PTPRD: variants seen among roughly 807,000 people sequenced by gnomAD.
The protein encoded by PTPRD is protein tyrosine phosphatase receptor type D, also known as receptor-type tyrosine-protein phosphatase delta.
Under a neutral mutation model 214.5 loss-of-function variants are expected in PTPRD, and 34 were observed. That is an observed-to-expected ratio of 0.16 (90% CI 0.12 to 0.21). PTPRD has a LOEUF of 0.21. Among genes scored for constraint, PTPRD ranks in the 10% least tolerant of loss-of-function variants. The pLI, the probability that PTPRD is intolerant of heterozygous loss-of-function variation, is 1.00. For missense variants in PTPRD, 2,545 were observed against 2,398.7 expected (o/e 1.06, Z -1.27); for synonymous variants, 1,128 against 845.7 (o/e 1.33, Z -5.79).
At chr9:9,338,791 C>T (rs1271641120) in intron 9 of PTPRD, among the ~76,000 whole-genome samples, 1 of 152,054 alleles carries the variant, frequency 6.6e-6, no homozygotes, top group African/African-American at 2.4e-5. Context: ...TTGCTGCAAC[C>T]ATCAACCCAT....
chr9:9,231,074 G>A (rs2099962798), intron 9 of PTPRD, among the ~76,000 whole-genome samples: 1 of 152,004 alleles, frequency 6.6e-6, no homozygotes, highest in African/African-American at 2.4e-5. Context: ...GGGAATGGGT[G>A]TTCTAACAAG....
At chr9:10,112,431 A>ATTT (rs61488370) in intron 3 of PTPRD, among the ~76,000 whole-genome samples, 5,542 of 149,638 alleles carry the variant, frequency 0.037, 167 homozygotes, top group Admixed American at 0.091. Flanking sequence ...ACAATTATCT[A>ATTT]TTTTTTTTTT....
chr9:8,956,676 T>C (rs1397702826), intron 11 of PTPRD, among the ~76,000 whole-genome samples: 1 of 151,860 alleles, frequency 6.6e-6, no homozygotes, highest in Non-Finnish European at 1.5e-5. Context: ...ATCAAGCTCC[T>C]GAACTCCACC....
chr9:10,023,490 A>G (rs1358362892), intron 4 of PTPRD, among the ~76,000 whole-genome samples: 1 of 152,206 alleles, frequency 6.6e-6, no homozygotes, highest in Non-Finnish European at 1.5e-5. Context: ...TTTTCTGTAT[A>G]TAAAGTTAAC....
At chr9:8,578,452 C>G (rs2092704372) in intron 14 of PTPRD, among the ~76,000 whole-genome samples, 1 of 152,106 alleles carries the variant, frequency 6.6e-6, no homozygotes, top group Admixed American at 6.5e-5. Context: ...AGCTGTAATA[C>G]TATTATTTGA....
At chr9:8,460,334 G>T in intron 33 of PTPRD, 77 bp downstream of exon 33, 1 of 1,547,258 alleles carries the variant, frequency 6.5e-7, no homozygotes, top group Non-Finnish European at 8.9e-7. Context: ...AACCACCTAA[G>T]GACAGCAGAA....
chr9:8,563,596 C>A (rs2087447080), intron 14 of PTPRD, among the ~76,000 whole-genome samples: 1 of 151,948 alleles, frequency 6.6e-6, no homozygotes, highest in Non-Finnish European at 1.5e-5. Flanking sequence ...GCCGCCACAC[C>A]TGGCTAATTT....
At chr9:9,872,368 G>C (rs1458807805) in intron 5 of PTPRD, among the ~76,000 whole-genome samples, 1 of 152,150 alleles carries the variant, frequency 6.6e-6, no homozygotes, top group Non-Finnish European at 1.5e-5. Flanking sequence ...GGGAGGCCGA[G>C]GCAGGAGAAT....
intron 3 of PTPRD, among the ~76,000 whole-genome samples, chr9:10,123,359 G>T (rs1283592301): frequency 2.0e-5 from 3 of 152,160 alleles, no homozygotes; most frequent in Non-Finnish European, 2.9e-5. Context: ...AGATTTTCTA[G>T]ACTGCTATTT....
At chr9:10,034,673 G>A (rs2097146138) in intron 3 of PTPRD, among the ~76,000 whole-genome samples, 1 of 152,066 alleles carries the variant, frequency 6.6e-6, no homozygotes, top group African/African-American at 2.4e-5. Flanking sequence ...AGAACATGCA[G>A]TATTTGGCTT....
At chr9:9,883,125 C>G (rs968961179) in intron 5 of PTPRD, among the ~76,000 whole-genome samples, 4 of 152,118 alleles carry the variant, frequency 2.6e-5, no homozygotes, top group African/African-American at 7.2e-5. Context: ...TTAGGTATTC[C>G]TTTACAGCAA....
At chr9:9,857,982 A>T (rs888907851) in intron 5 of PTPRD, among the ~76,000 whole-genome samples, 1 of 152,252 alleles carries the variant, frequency 6.6e-6, no homozygotes, top group Non-Finnish European at 1.5e-5. Flanking sequence ...TGAAGATATG[A>T]AGAATGCATT....
Position 9,171,032 on chromosome 9 carries a change from C to T in PTPRD, c.-143+12272G>A, listed in dbSNP as rs72696827. Reference sequence around the variant, plus strand: ...TCCAGGAAAGCTTAAGAAACACCTGCCACATTGTGGTACCACCAGGGCAGC... The same window carrying T: ...TCCAGGAAAGCTTAAGAAACACCTGTCACATTGTGGTACCACCAGGGCAGC... On this transcript the variant is annotated intron_variant, in intron 10 of 45. Transcript: ENST00000381196. Among the ~76,000 whole-genome samples the T allele has an allele frequency of 4.5e-3, 688 of 152,230 alleles. 4 individuals are homozygous for T. The highest frequency in any genetic ancestry group is 5.1e-3 in the Non-Finnish European group (350 of 68,014).
chr9:8,533,579 C>A (rs532242108), intron 14 of PTPRD, among the ~76,000 whole-genome samples: 1 of 152,006 alleles, frequency 6.6e-6, no homozygotes, highest in South Asian at 2.1e-4. Context: ...AAGAGACAAG[C>A]AGCTGTTATC....
chr9:9,242,031 G>A (rs2099970611), intron 9 of PTPRD, among the ~76,000 whole-genome samples: 1 of 152,034 alleles, frequency 6.6e-6, no homozygotes, highest in Admixed American at 6.6e-5. Context: ...CTCTTGTAGG[G>A]CAGGCCTGGT....
chr9:9,860,752 A>C (rs1182139254), intron 5 of PTPRD, among the ~76,000 whole-genome samples: 1 of 152,156 alleles, frequency 6.6e-6, no homozygotes, highest in African/African-American at 2.4e-5. Context: ...ATTGTAGTTC[A>C]TTACTGATCC....
intron 3 of PTPRD, among the ~76,000 whole-genome samples, chr9:10,292,785 C>A (rs890433340): frequency 6.6e-6 from 1 of 151,508 alleles, no homozygotes. Flanking sequence ...TTTTTTTCCA[C>A]TATTTTATTA....
At chr9:8,758,891 T>C (rs1204432075) in intron 11 of PTPRD, among the ~76,000 whole-genome samples, 1 of 152,166 alleles carries the variant, frequency 6.6e-6, no homozygotes, top group Admixed American at 6.5e-5. Flanking sequence ...TTCACCCTGT[T>C]AGCCAGGATG....
intron 7 of PTPRD, among the ~76,000 whole-genome samples, chr9:9,642,486 G>A (rs1159739056): frequency 1.3e-5 from 2 of 152,058 alleles, no homozygotes; most frequent in Non-Finnish European, 2.9e-5. Context: ...AGCTTAGAAG[G>A]TATATAAGCT....
Sources: gnomAD v4.1 joint callset for allele counts (sites outside exome capture counted in the v4.1 genomes callset) on GRCh38, gnomAD v4.1.1 for gene constraint, MANE v1.5 for transcripts, NCBI Gene and HGNC (gene_info 2026-07-23, HGNC 2026-07-21) for gene names.